The following MAP4 variants were observed in gnomAD, a reference collection of about 807,000 sequenced individuals.
MAP4 encodes the protein microtubule associated protein 4.
In MAP4, 76 loss-of-function variants were observed where a neutral mutation model predicts 170.2. That is an observed-to-expected ratio of 0.45 (90% CI 0.37 to 0.54). The LOEUF is 0.54. Ranked by LOEUF, MAP4 falls within the 20% of genes least tolerant of loss-of-function variation. The pLI, the probability that MAP4 is intolerant of heterozygous loss-of-function variation, is 0.00. For synonymous variants in MAP4, 909 were observed against 994.5 expected, an observed-to-expected ratio of 0.91 and a Z score of 1.62; for missense variants, 2,506 against 2,748.0, an observed-to-expected ratio of 0.91 and a Z score of 1.97.
intron 3 of MAP4, among the ~76,000 whole-genome samples, chr3:47,975,754 C>T (rs988038963): frequency 6.6e-6 from 1 of 152,028 alleles, no homozygotes; most frequent in Non-Finnish European, 1.5e-5. Context: ...CTCCACCTTC[C>T]CTCCCCAAAT....
At chr3:47,992,192 C>A (rs1356120721) in intron 2 of MAP4, among the ~76,000 whole-genome samples, 1 of 152,136 alleles carries the variant, frequency 6.6e-6, no homozygotes, top group Non-Finnish European at 1.5e-5. Context: ...CAAAAACCAT[C>A]AGTCCGATAA....
chr3:47,894,476 A>G (rs2100025733), intron 10 of MAP4, among the ~76,000 whole-genome samples: 1 of 152,048 alleles, frequency 6.6e-6, no homozygotes, highest in Admixed American at 6.6e-5. Flanking sequence ...CCAGCTACTC[A>G]GGAGGCTGAG....
At chr3:48,033,846 G>A (rs1279466064) in intron 1 of MAP4, among the ~76,000 whole-genome samples, 1 of 152,014 alleles carries the variant, frequency 6.6e-6, no homozygotes, top group South Asian at 2.1e-4. Context: ...TAGGTGATCT[G>A]CCCGCCTCAA....
At chr3:47,888,111 T>C (rs2097916404) in intron 10 of MAP4, among the ~76,000 whole-genome samples, 1 of 152,316 alleles carries the variant, frequency 6.6e-6, no homozygotes, top group South Asian at 2.1e-4. Flanking sequence ...GTCGAAACTC[T>C]GTATCTAACT....
chr3:48,029,208 C>G, intron 1 of MAP4, among the ~76,000 whole-genome samples: 1 of 151,846 alleles, frequency 6.6e-6, no homozygotes, highest in Non-Finnish European at 1.5e-5. Context: ...GAGGCCAAAG[C>G]GGGCAGATCA....
intron 3 of MAP4, among the ~76,000 whole-genome samples, chr3:47,949,955 C>G (rs1416627256): frequency 1.3e-5 from 2 of 152,224 alleles, no homozygotes; most frequent in Non-Finnish European, 2.9e-5. Flanking sequence ...GACAGCACCA[C>G]CCAGAGCAGC....
intron 1 of MAP4, among the ~76,000 whole-genome samples, chr3:48,025,716 T>C (rs969156098): frequency 6.6e-6 from 1 of 151,568 alleles, no homozygotes; most frequent in Non-Finnish European, 1.5e-5. Flanking sequence ...CTGGCCGACG[T>C]GGTAAAAACC....
chr3:48,076,372 G>C (rs919981403), intron 1 of MAP4, among the ~76,000 whole-genome samples: 1 of 151,840 alleles, frequency 6.6e-6, no homozygotes, highest in Non-Finnish European at 1.5e-5. Flanking sequence ...CATGGTGGTG[G>C]GCACCTGTAG....
At chr3:48,001,844 G>T (rs1396086559) in intron 1 of MAP4, among the ~76,000 whole-genome samples, 1 of 151,982 alleles carries the variant, frequency 6.6e-6, no homozygotes, top group Non-Finnish European at 1.5e-5. Flanking sequence ...AATTTCCTGT[G>T]ACTATACTAA....
intron 1 of MAP4, among the ~76,000 whole-genome samples, chr3:48,075,772 G>A (rs1321406704): frequency 3.3e-5 from 5 of 151,478 alleles, no homozygotes; most frequent in Non-Finnish European, 7.4e-5. Flanking sequence ...TCAGGAGTTC[G>A]AGACCAGCCT....
At chr3:47,883,208 T>C (rs939243720) in intron 10 of MAP4, among the ~76,000 whole-genome samples, 3 of 152,128 alleles carry the variant, frequency 2.0e-5, no homozygotes, top group African/African-American at 4.8e-5. Context: ...CTTTAAAAAA[T>C]TCATGAGGAG....
At chr3:48,069,825 G>C (rs908989336) in intron 1 of MAP4, among the ~76,000 whole-genome samples, 1 of 152,166 alleles carries the variant, frequency 6.6e-6, no homozygotes, top group African/African-American at 2.4e-5. Context: ...GGCTATATCA[G>C]AGAACCTCAT....
intron 1 of MAP4, among the ~76,000 whole-genome samples, chr3:48,056,122 T>G (rs1429926532): frequency 2.9e-3 from 245 of 83,766 alleles, no homozygotes; most frequent in Admixed American, 4.0e-3. Context: ...TGGGGGGGGG[T>G]CAGCCCCCCG....
Position 47,998,872 on chromosome 3 carries a change from G to C in MAP4, c.-12C>G, listed in dbSNP as rs2154374729. 6.4e-7 allele frequency: 1 copy of C among 1,568,260 alleles called. No individual in the cohort carries two copies. Among genetic ancestry groups the C allele is most frequent in the East Asian group, 2.2e-5 (1 of 44,640 alleles). ...CTGAGGTCAGCCATTCTGCACCACT[G>C]CAACTGCCTGGTGAAGAGGAAAAAG... On this transcript the variant is annotated 5_prime_UTR_variant, in exon 2 of 21. Coordinates refer to ENST00000683076, the MANE Select transcript of MAP4 (RefSeq NM_001385682.1).
chr3:47,892,660 C>A, intron 10 of MAP4: 1 of 1,364,942 alleles, frequency 7.3e-7, no homozygotes, highest in South Asian at 2.0e-5. Flanking sequence ...AATGCACTTA[C>A]AAATGTGAAA....
chr3:47,914,899 G>C lies in MAP4; in HGVS notation c.1917C>G (p.Ala639=), dbSNP rs747580221. Residue 639 remains alanine, a synonymous_variant, in exon 8 of 21, where the codon GCC becomes GCG. Transcript: ENST00000683076. ...GTTTTTCTAACACAGAATCCTCCTC[G>C]GCCGGCAAGCTGCACTTTTTCCCCG... ...TGTGKKCSLP[A]EEDSVLEKLG... 6.2e-7 allele frequency: 1 copy of C among 1,613,866 alleles called. No homozygotes were observed. Among genetic ancestry groups the C allele is most frequent in the Admixed American group, 1.7e-5 (1 of 59,980 alleles).
In MAP4 at chr3:47,912,128, G is replaced by C; in HGVS notation, c.2293C>G (p.Pro765Ala). ...GREAWDIEST[P>A]IMMKKKKKKP... ...TTCTTCTTTTTCTTCATCATTATTG[G>C]TGTGCTTTCTATATCCCAGGCCTCC... is the stretch of plus-strand genomic sequence containing the variant. Residue 765 changes from proline (P) to alanine (A), a missense_variant, in exon 9 of 21, where the codon CCA (proline) becomes GCA (alanine). Physicochemically the swap from Pro to Ala is conservative, Grantham distance 27. Coordinates refer to ENST00000683076, the MANE Select transcript of MAP4 (RefSeq NM_001385682.1). 1 of 1,536,060 alleles carries C rather than the reference G, an allele frequency of 6.5e-7. No individual in the cohort carries two copies. The highest frequency in any genetic ancestry group is 2.4e-5 in the East Asian group (1 of 40,920).
chr3:47,904,033 C>T (rs535839554), intron 9 of MAP4, among the ~76,000 whole-genome samples: 17 of 152,276 alleles, frequency 1.1e-4, no homozygotes, highest in Admixed American at 3.3e-4. Flanking sequence ...TTTATGTTTA[C>T]TAATTGTCAA....
intron 1 of MAP4, among the ~76,000 whole-genome samples, chr3:48,068,532 G>A (rs1420172746): frequency 2.6e-5 from 4 of 152,166 alleles, no homozygotes; most frequent in African/African-American, 9.7e-5. Flanking sequence ...GCTCACGCCT[G>A]TAATCCCAGC....
Sources: allele counts gnomAD v4.1 joint callset (sites outside exome capture counted in the v4.1 genomes callset), GRCh38; gene constraint gnomAD v4.1.1; transcripts MANE v1.5; gene names NCBI Gene and HGNC (gene_info 2026-07-23, HGNC 2026-07-21).